The following NXN variants were observed in gnomAD, a reference collection of about 807,000 sequenced individuals.
NXN encodes nucleoredoxin 1.
NXN carries 16 observed loss-of-function variants against 48.6 expected under a neutral mutation model. The ratio of observed to expected loss-of-function variants is 0.33; its 90% CI spans 0.22 to 0.50. The LOEUF is 0.50. Among genes scored for constraint, NXN ranks in the 20% least tolerant of loss-of-function variants. NXN has a pLI of 0.98. For missense variants in NXN, 492 were observed against 605.5 expected, an observed-to-expected ratio of 0.81 and a Z score of 1.97; for synonymous variants, 281 against 269.6, an observed-to-expected ratio of 1.04 and a Z score of -0.41.
intron 1 of NXN, among the ~76,000 whole-genome samples, chr17:931,244 G>A (rs896854081): frequency 7.4e-4 from 109 of 147,958 alleles, no homozygotes; most frequent in African/African-American, 2.5e-3. Context: ...CTGAGATCGC[G>A]CCACTGCACT....
At position 892,233 on chromosome 17, in the gene NXN, AC is replaced by A. The variant is rs1294092169; in HGVS notation, c.361-66156del. Among the ~76,000 whole-genome samples, 7 of 150,674 alleles carry A rather than the reference AC, an allele frequency of 4.6e-5. No homozygotes were observed. In the East Asian group the frequency reaches 9.8e-4, roughly 21 times the overall value. On this transcript the variant is annotated intron_variant, in intron 1 of 7. Coordinates refer to ENST00000336868, the MANE Select transcript of NXN (RefSeq NM_022463.5). ...CCCACCATGCACAGCCCAACAGGGA[AC>A]CTAAGCTAACCCCACCATGCACAAC...
chr17:977,019 G>A (rs1282726086), intron 1 of NXN, among the ~76,000 whole-genome samples: 1 of 152,168 alleles, frequency 6.6e-6, no homozygotes, highest in East Asian at 1.9e-4. Flanking sequence ...GCCCACCTCA[G>A]CCTTCCAAAG....
intron 1 of NXN, chr17:896,918 T>G: frequency 8.6e-7 from 1 of 1,165,186 alleles, no homozygotes; most frequent in Non-Finnish European, 1.1e-6. Context: ...TCACACACAA[T>G]ATTCTTCTTT....
Position 801,185 on chromosome 17 carries a change from A to C in NXN, c.1126-54T>G, listed in dbSNP as rs1911184387. On this transcript the variant is annotated intron_variant, in intron 7 of 7. Coordinates refer to ENST00000336868, the MANE Select transcript of NXN (RefSeq NM_022463.5). ...AAGAAGTTTTAAAGAAAGGAGGGGG[A>C]GAGTCCCCTGGGCCCAGTCTCCCCA... The C allele has an allele frequency of 2.9e-6, 4 of 1,392,666 alleles. No individual in the cohort carries two copies. The South Asian group carries it at 6.4e-5, about 22-fold the overall frequency. 86.3% of individuals were successfully genotyped at this position (1,392,666 alleles called of 1,614,324 possible).
In NXN at chr17:837,083, A is replaced by AT. The variant is rs201843492; in HGVS notation, c.361-11006dup. On this transcript the variant is annotated intron_variant, in intron 1 of 7. Coordinates refer to ENST00000336868, the MANE Select transcript of NXN (RefSeq NM_022463.5). Reference sequence around the variant, plus strand: ...AGCCTCCACCACCCGGGCTCACGTGATCCCCCCACCTCAGCCTCCGAGGAG... The same window carrying AT: ...AGCCTCCACCACCCGGGCTCACGTGATTCCCCCCACCTCAGCCTCCGAGGAG... 8.0e-3 allele frequency among the ~76,000 whole-genome samples: 1,215 copies of AT among 152,156 alleles called. 12 individuals carry two copies. Among genetic ancestry groups the AT allele is most frequent in the East Asian group, 0.029 (150 of 5,172 alleles).
chr17:828,927 C>A (rs1187853517), intron 1 of NXN, among the ~76,000 whole-genome samples: 1 of 151,606 alleles, frequency 6.6e-6, no homozygotes, highest in Non-Finnish European at 1.5e-5. Context: ...GAAAAAAAAT[C>A]ACTGGAAAAA....
At chr17:837,103 G>C (rs1369117782) in intron 1 of NXN, among the ~76,000 whole-genome samples, 1 of 151,998 alleles carries the variant, frequency 6.6e-6, no homozygotes, top group African/African-American at 2.4e-5. Flanking sequence ...CTCAGCCTCC[G>C]AGGAGCTGGG....
At chr17:918,073 A>C (rs1263687115) in intron 1 of NXN, among the ~76,000 whole-genome samples, 1 of 152,224 alleles carries the variant, frequency 6.6e-6, no homozygotes, top group Non-Finnish European at 1.5e-5. Flanking sequence ...GTGTGTCTAA[A>C]CCAGAAAATA....
At chr17:839,062 T>C (rs1222310339) in intron 1 of NXN, among the ~76,000 whole-genome samples, 1 of 152,148 alleles carries the variant, frequency 6.6e-6, no homozygotes, top group Non-Finnish European at 1.5e-5. Context: ...AAAATGAGGA[T>C]AATAACAACA....
Position 905,270 on chromosome 17 carries a change from T to TATATATAGATAGATAG in NXN, c.360+74048_360+74049insCTATCTATCTATATAT, listed in dbSNP as rs1488360942. On this transcript the variant is annotated intron_variant, in intron 1 of 7. Transcript: ENST00000336868. Reference sequence around the variant, plus strand: ...GTAAATGTAAATATATATATATATATATAGATGCCGGGCATGGTAATGCAC... The same window carrying TATATATAGATAGATAG: ...GTAAATGTAAATATATATATATATATATATATAGATAGATAGATAGATGCCGGGCATGGTAATGCAC... 4 of 149,492 alleles carry TATATATAGATAGATAG rather than the reference T, an allele frequency of 2.7e-5. No individual in the cohort carries two copies. In the East Asian group the frequency reaches 5.9e-4, roughly 22 times the overall value. The allele number at this position is 149,492 out of a possible 1,614,324, so 9.3% of individuals were successfully genotyped here.
chr17:974,821 A>T (rs1449120144), intron 1 of NXN, among the ~76,000 whole-genome samples: 1 of 151,524 alleles, frequency 6.6e-6, no homozygotes, highest in Non-Finnish European at 1.5e-5. Flanking sequence ...ATTTTTATTT[A>T]TTTATTTATT....
intron 1 of NXN, among the ~76,000 whole-genome samples, chr17:947,717 G>A (rs911307649): frequency 7.3e-6 from 1 of 137,646 alleles, no homozygotes; most frequent in Non-Finnish European, 1.6e-5. Context: ...TGGGCAACAG[G>A]GTGAGGCTCC....
At chr17:858,927 A>G (rs968789881) in intron 1 of NXN, among the ~76,000 whole-genome samples, 4 of 152,124 alleles carry the variant, frequency 2.6e-5, no homozygotes, top group Non-Finnish European at 5.9e-5. Context: ...TAGCCAGCCA[A>G]GAGCAGGCAG....
chr17:874,393 G>T (rs1310422825), intron 1 of NXN, among the ~76,000 whole-genome samples: 1 of 152,114 alleles, frequency 6.6e-6, no homozygotes, highest in Non-Finnish European at 1.5e-5. Flanking sequence ...AGACCAGCCT[G>T]GCCAAAATGG....
chr17:811,967 G>T (rs1326942400), intron 5 of NXN, among the ~76,000 whole-genome samples: 4 of 117,246 alleles, frequency 3.4e-5, no homozygotes, highest in African/African-American at 1.3e-4. Flanking sequence ...TCGCTCTGTC[G>T]CCCAGGCTGG....
chr17:822,049 G>A (rs560441251), intron 4 of NXN, among the ~76,000 whole-genome samples: 2 of 152,220 alleles, frequency 1.3e-5, no homozygotes, highest in East Asian at 3.9e-4. Flanking sequence ...GGAAGGCCAA[G>A]GTGGGCGCCT....
rs376479462 is a variant in NXN at position 876,218 on chromosome 17, GAGAA to G, written c.361-50144_361-50141del. Reference sequence around the variant, plus strand: ...AAAAAAGAAAAGAAAGAAAAGAAAAGAGAAAGAAAGAAAGAAAGGAGAAGAGAAG... The same window carrying G: ...AAAAAAGAAAAGAAAGAAAAGAAAAGAGAAAGAAAGAAAGGAGAAGAGAAG... On this transcript the variant is annotated intron_variant, in intron 1 of 7. Coordinates refer to ENST00000336868, the MANE Select transcript of NXN (RefSeq NM_022463.5). 4.3e-3 allele frequency among the ~76,000 whole-genome samples: 634 copies of G among 147,142 alleles called. 2 individuals carry two copies. The highest frequency in any genetic ancestry group is 0.014 in the African/African-American group (566 of 39,126).
At chr17:960,620 G>T (rs1380788780) in intron 1 of NXN, among the ~76,000 whole-genome samples, 2 of 151,644 alleles carry the variant, frequency 1.3e-5, no homozygotes, top group African/African-American at 4.8e-5. Context: ...CTGAACTACA[G>T]GCACACACCA....
chr17:932,353 A>G lies in NXN; in HGVS notation c.360+46966T>C, dbSNP rs2068863658. Among the ~76,000 whole-genome samples the G allele has an allele frequency of 2.0e-5, 3 of 152,134 alleles. No individual in the cohort carries two copies. Among genetic ancestry groups the G allele is most frequent in the Non-Finnish European group, 1.5e-5 (1 of 68,028 alleles). On this transcript the variant is annotated intron_variant, in intron 1 of 7. Coordinates refer to ENST00000336868, the MANE Select transcript of NXN (RefSeq NM_022463.5). The surrounding 1 kb of genome is among the most constrained non-coding windows in gnomAD (Gnocchi z 4.1). The stretch of plus-strand genomic sequence containing the variant: ...GCCTGGGAACTGTTGCTAGAATTGC[A>G]AACTACTGGGCCCCAGCCTGGACCT...
Sources: allele counts gnomAD v4.1 joint callset (sites outside exome capture counted in the v4.1 genomes callset), GRCh38; gene constraint gnomAD v4.1.1; non-coding constraint Gnocchi (gnomAD v3.1); transcripts MANE v1.5; gene names NCBI Gene and HGNC (gene_info 2026-07-23, HGNC 2026-07-21).